FAM81A: variants seen among roughly 807,000 people sequenced by gnomAD.
The protein encoded by FAM81A is protein FAM81A.
A neutral mutation model predicts 46.7 loss-of-function variants in FAM81A; 19 were observed. That is an observed-to-expected ratio of 0.41 (90% confidence interval 0.28 to 0.60). FAM81A has a LOEUF of 0.60. Among genes scored for constraint, FAM81A ranks in the 20% least tolerant of loss-of-function variants. FAM81A has a pLI of 0.34. For missense variants in FAM81A, 377 were observed against 453.5 expected (o/e 0.83, Z 1.53); for synonymous variants, 183 against 152.9 (o/e 1.20, Z -1.45).
At chr15:59,405,750 T>C (rs4775165) in intron 2 of FAM81A, among the ~76,000 whole-genome samples, 92,199 of 152,120 alleles carry the variant, frequency 0.61, 29,980 homozygotes, top group Non-Finnish European at 0.73. Context: ...ACAAACCCTC[T>C]TACTGGCCTT....
intron 4 of FAM81A, among the ~76,000 whole-genome samples, chr15:59,493,435 A>G (rs1487675806): frequency 1.3e-5 from 2 of 152,040 alleles, no homozygotes; most frequent in Non-Finnish European, 2.9e-5. Context: ...CTTGGTGATG[A>G]CACCCTGTTG....
intron 3 of FAM81A, among the ~76,000 whole-genome samples, chr15:59,483,285 C>T (rs1400876184): frequency 1.3e-5 from 2 of 152,228 alleles, no homozygotes; most frequent in East Asian, 3.9e-4. Context: ...GATCCACCCG[C>T]CTCGGCCTCC....
intron 1 of FAM81A, among the ~76,000 whole-genome samples, chr15:59,400,065 T>C (rs549441030): frequency 6.6e-6 from 1 of 152,236 alleles, no homozygotes; most frequent in East Asian, 1.9e-4. Flanking sequence ...CTGCCATTTT[T>C]ATCGTAACTG....
At chr15:59,455,353 A>G (rs1423586797) in intron 1 of FAM81A, among the ~76,000 whole-genome samples, 1 of 152,212 alleles carries the variant, frequency 6.6e-6, no homozygotes, top group Non-Finnish European at 1.5e-5. Flanking sequence ...AAACAGCATG[A>G]AACCCAGACC....
At chr15:59,442,748 G>A (rs1176346846) in intron 1 of FAM81A, among the ~76,000 whole-genome samples, 2 of 150,384 alleles carry the variant, frequency 1.3e-5, no homozygotes, top group African/African-American at 2.5e-5. Flanking sequence ...TACCTTTCTC[G>A]CTCTATCCTA....
intron 8 of FAM81A, among the ~76,000 whole-genome samples, chr15:59,517,575 C>T (rs558401240): frequency 6.6e-6 from 1 of 152,194 alleles, no homozygotes; most frequent in South Asian, 2.1e-4. Flanking sequence ...TAAATTCTCT[C>T]CTAGCTTCTT....
chr15:59,403,582 A>T (rs1290255785), intron 2 of FAM81A, among the ~76,000 whole-genome samples: 1 of 152,208 alleles, frequency 6.6e-6, no homozygotes, highest in South Asian at 2.1e-4. Context: ...GCCGAAGCAG[A>T]TGAGTACAGC....
chr15:59,457,219 T>C (rs2081495829), intron 1 of FAM81A, among the ~76,000 whole-genome samples: 1 of 152,210 alleles, frequency 6.6e-6, no homozygotes, highest in African/African-American at 2.4e-5. Flanking sequence ...AATTGTGTGT[T>C]GTTCTGAAAT....
At chr15:59,517,058 A>G (rs2082275234) in intron 8 of FAM81A, among the ~76,000 whole-genome samples, 1 of 152,200 alleles carries the variant, frequency 6.6e-6, no homozygotes, top group Non-Finnish European at 1.5e-5. Context: ...ACAGGCAAAC[A>G]GAACTGAAAT....
intron 3 of FAM81A, among the ~76,000 whole-genome samples, chr15:59,489,214 G>A (rs1244274872): frequency 2.6e-5 from 4 of 151,896 alleles, no homozygotes; most frequent in East Asian, 1.9e-4. Flanking sequence ...GCAGTGAGCC[G>A]AGATTGCGCC....
intron 3 of FAM81A, among the ~76,000 whole-genome samples, chr15:59,474,299 GGGTAAT>G (rs1352507003): frequency 6.6e-6 from 1 of 152,168 alleles, no homozygotes; most frequent in Non-Finnish European, 1.5e-5. Flanking sequence ...ACCTGAGATT[GGGTAAT>G]TTATAAAGAA....
chr15:59,479,328 T>C (rs2081815949), intron 3 of FAM81A, among the ~76,000 whole-genome samples: 1 of 151,836 alleles, frequency 6.6e-6, no homozygotes, highest in East Asian at 1.9e-4. Flanking sequence ...CTGACCAATA[T>C]GGTGATACCC....
At chr15:59,432,034 T>A (rs1012440172) in intron 2 of FAM81A, among the ~76,000 whole-genome samples, 2 of 152,192 alleles carry the variant, frequency 1.3e-5, no homozygotes, top group Non-Finnish European at 2.9e-5. Flanking sequence ...AATATTAATT[T>A]ATCTTACTTT....
chr15:59,407,911 G>C (rs186178954), intron 2 of FAM81A: 30 of 186,070 alleles, frequency 1.6e-4, no homozygotes, highest in Non-Finnish European at 1.5e-4. Flanking sequence ...TGGGTGAACT[G>C]GTTCGTTGCA....
intron 2 of FAM81A, among the ~76,000 whole-genome samples, chr15:59,411,124 C>A (rs1038839451): frequency 2.0e-5 from 3 of 152,116 alleles, no homozygotes; most frequent in African/African-American, 7.2e-5. Flanking sequence ...AGTATATTAG[C>A]TTTTATAATT....
intron 2 of FAM81A, among the ~76,000 whole-genome samples, chr15:59,405,681 C>T (rs2140466613): frequency 6.6e-6 from 1 of 152,220 alleles, no homozygotes; most frequent in Admixed American, 6.5e-5. Flanking sequence ...CTACTTCATC[C>T]TGTCCATCCC....
At chr15:59,496,980 G>T (rs1295584614) in intron 4 of FAM81A, among the ~76,000 whole-genome samples, 6 of 151,750 alleles carry the variant, frequency 4.0e-5, no homozygotes, top group Admixed American at 6.6e-5. Context: ...ACAAAAATTA[G>T]CTGGGTGTGG....
chr15:59,473,013 A>T lies in FAM81A; in HGVS notation c.294+12807A>T, dbSNP rs565292222. ...TACAAAATTGAAGAACCCCAACTCG[A>T]ACATTTCAATTTTGAAAGGGATTTC... On this transcript the variant is annotated intron_variant, in intron 3 of 8. Coordinates refer to ENST00000288228, the MANE Select transcript of FAM81A (RefSeq NM_152450.3). 3.3e-5 allele frequency among the ~76,000 whole-genome samples: 5 copies of T among 152,324 alleles called. No homozygotes were observed. The East Asian group carries it at 9.6e-4, about 29-fold the overall frequency.
chr15:59,404,569 T>C (rs2081086248), intron 2 of FAM81A, among the ~76,000 whole-genome samples: 1 of 152,182 alleles, frequency 6.6e-6, no homozygotes, highest in Admixed American at 6.5e-5. Flanking sequence ...CAAGCCGTCC[T>C]CCTACCTCAG....
Sources: allele counts gnomAD v4.1 joint callset (sites outside exome capture counted in the v4.1 genomes callset), GRCh38; gene constraint gnomAD v4.1.1; transcripts MANE v1.5; gene names NCBI Gene and HGNC (gene_info 2026-07-23, HGNC 2026-07-21).